The following SCARB2 variants were observed in gnomAD, a reference collection of about 807,000 sequenced individuals.
SCARB2 encodes scavenger receptor class B member 2.
SCARB2 carries 29 observed loss-of-function variants against 58.6 expected under a neutral mutation model. That is an observed-to-expected ratio of 0.49 (90% CI 0.37 to 0.67). The LOEUF is 0.67. Ranked by LOEUF, SCARB2 falls within the 30% of genes least tolerant of loss-of-function variation. The probability of loss-of-function intolerance (pLI) is 0.00; values close to 1 mark genes in which losing one functional copy is unlikely to be tolerated. For synonymous variants in SCARB2, 195 were observed against 210.1 expected (o/e 0.93, Z 0.62); for missense variants, 488 against 578.5 (o/e 0.84, Z 1.60).
intron 7 of SCARB2, among the ~76,000 whole-genome samples, chr4:76,171,758 G>C (rs1386422272): frequency 6.6e-6 from 1 of 152,034 alleles, no homozygotes; most frequent in Non-Finnish European, 1.5e-5. Context: ...AAGGCAATGG[G>C]GGAGATCACA....
chr4:76,223,770 G>A (rs1037390297), intron 1 of SCARB2, among the ~76,000 whole-genome samples: 1 of 152,086 alleles, frequency 6.6e-6, no homozygotes, highest in Non-Finnish European at 1.5e-5. Flanking sequence ...CCTTCTTCAG[G>A]GGACCTCAAA....
At chr4:76,232,833 T>C (rs551703286) in intron 1 of SCARB2, among the ~76,000 whole-genome samples, 2 of 152,314 alleles carry the variant, frequency 1.3e-5, no homozygotes, top group African/African-American at 4.8e-5. Context: ...ACATTTGATA[T>C]TATGAAATAG....
intron 11 of SCARB2, 58 bp downstream of exon 11, chr4:76,163,167 T>C (rs1731932976): frequency 6.2e-7 from 1 of 1,605,208 alleles, no homozygotes; most frequent in Non-Finnish European, 8.5e-7. Context: ...TGAAGTACAG[T>C]TGAATTCCTC....
chr4:76,175,730 T>C (rs1230482033), intron 6 of SCARB2, 61 bp downstream of exon 6: 2 of 1,590,614 alleles, frequency 1.3e-6, no homozygotes, highest in Non-Finnish European at 1.7e-6. Flanking sequence ...CCTCATGCTT[T>C]TGGTGGTCTT....
intron 2 of SCARB2, among the ~76,000 whole-genome samples, chr4:76,186,158 G>C (rs1173587603): frequency 1.3e-5 from 2 of 152,176 alleles, no homozygotes; most frequent in Non-Finnish European, 2.9e-5. Context: ...GGCATACAGA[G>C]GAGGGAGGGA....
rs149166059 is a variant in SCARB2, at chr4:76,169,296, T to C, written c.1113+571A>G. Among the ~76,000 whole-genome samples the C allele has an allele frequency of 3.1e-3, 474 of 150,582 alleles. 4 individuals are homozygous for C. Among genetic ancestry groups the C allele is most frequent in the African/African-American group, 0.011 (448 of 40,840 alleles). On this transcript the variant is annotated intron_variant, in intron 8 of 11. Transcript: ENST00000264896. The stretch of plus-strand genomic sequence containing the variant: ...GGTTTTTGTTTTTCTCGTCTATGAA[T>C]ACAGGAGTAAATGTGTATTATACAC...
upstream of SCARB2, chr4:76,214,157 G>T: frequency 2.2e-6 from 1 of 450,262 alleles, no homozygotes; most frequent in South Asian, 1.6e-5. Flanking sequence ...ACGCGCTGGG[G>T]ATTCAAGGTG....
chr4:76,195,194 G>T (rs999358), intron 2 of SCARB2: 3,492 of 157,190 alleles, frequency 0.022, 118 homozygotes, highest in African/African-American at 0.08. Context: ...AATATAGCAA[G>T]ACCTCATCTC....
At chr4:76,217,149 CTA>C (rs1429653174), upstream of SCARB2, among the ~76,000 whole-genome samples, 1 of 152,238 alleles carries the variant, frequency 6.6e-6, no homozygotes, top group Non-Finnish European at 1.5e-5. Context: ...TCATCTCACC[CTA>C]TGAGAGACTT....
At chr4:76,171,469 T>G (rs1186561837) in intron 7 of SCARB2, among the ~76,000 whole-genome samples, 1 of 152,146 alleles carries the variant, frequency 6.6e-6, no homozygotes, top group Non-Finnish European at 1.5e-5. Flanking sequence ...CATCCTGCTA[T>G]CCAAAATGTT....
chr4:76,200,192 G>A (rs1024760627), intron 1 of SCARB2, among the ~76,000 whole-genome samples: 1 of 152,186 alleles, frequency 6.6e-6, no homozygotes, highest in Non-Finnish European at 1.5e-5. Context: ...CTGCTGTGGT[G>A]ATGACAGCCA....
chr4:76,167,773 C>T (rs189980998), intron 9 of SCARB2, among the ~76,000 whole-genome samples: 2 of 150,158 alleles, frequency 1.3e-5, no homozygotes, highest in East Asian at 4.0e-4. Context: ...CCTCCGACTC[C>T]CTGGTTCAAG....
chr4:76,215,877 C>T (rs564938147), upstream of SCARB2, among the ~76,000 whole-genome samples: 6 of 152,270 alleles, frequency 3.9e-5, no homozygotes, highest in Admixed American at 3.9e-4. Flanking sequence ...CTGAGCCCTG[C>T]TCAAAATGCA....
At chr4:76,176,373 A>G in intron 5 of SCARB2, 64 bp downstream of exon 5, 2 of 1,105,378 alleles carry the variant, frequency 1.8e-6, no homozygotes, top group Non-Finnish European at 2.8e-6. Context: ...AGCAATGTAG[A>G]AGTAGACATG....
In SCARB2 at chr4:76,227,497, C is replaced by T. The variant is rs536765606; in HGVS notation, c.-358+6806G>A. Among the ~76,000 whole-genome samples the T allele has an allele frequency of 9.9e-4, 150 of 152,082 alleles. 1 individual carries two copies. Among genetic ancestry groups the T allele is most frequent in the Non-Finnish European group, 5.9e-4 (40 of 68,014 alleles). On this transcript the variant is annotated intron_variant, in intron 1 of 11. Coordinates refer to the SCARB2 transcript ENST00000638295. ...TGGAGAATGTTCCATGGGCTGATGA[C>T]AAAAATGAATATTCTGCAGTTGTTG...
At chr4:76,207,491 A>G (rs1283938862) in intron 1 of SCARB2, among the ~76,000 whole-genome samples, 2 of 152,236 alleles carry the variant, frequency 1.3e-5, no homozygotes, top group Admixed American at 6.5e-5. Context: ...CACTCAGTAA[A>G]TATTTGTCAA....
chr4:76,187,317 A>G (rs957231876), intron 2 of SCARB2, among the ~76,000 whole-genome samples: 1 of 152,226 alleles, frequency 6.6e-6, no homozygotes, highest in Non-Finnish European at 1.5e-5. Flanking sequence ...ATGAAACATA[A>G]AAGGTTCACA....
At chr4:76,217,682 A>G (rs779089305), upstream of SCARB2, 248 of 635,066 alleles carry the variant, frequency 3.9e-4, 1 homozygote, top group Middle Eastern at 1.2e-3. Context: ...TCACTACCCA[A>G]TCTCAGGTAT....
chr4:76,216,232 T>C (rs1733204897), upstream of SCARB2, among the ~76,000 whole-genome samples: 1 of 152,206 alleles, frequency 6.6e-6, no homozygotes, highest in African/African-American at 2.4e-5. Context: ...GGAGCAATGC[T>C]AGCCCACTAA....
Sources: allele counts gnomAD v4.1 joint callset (sites outside exome capture counted in the v4.1 genomes callset), GRCh38; gene constraint gnomAD v4.1.1; transcripts MANE v1.5; gene names NCBI Gene and HGNC (gene_info 2026-07-23, HGNC 2026-07-21).